The following MARCHF1 variants were observed in gnomAD, a reference collection of about 807,000 sequenced individuals.
MARCHF1 encodes the protein E3 ubiquitin-protein ligase MARCHF1.
A neutral mutation model predicts 54.2 loss-of-function variants in MARCHF1; 40 were observed. The observed-to-expected ratio is 0.74, with a 90% confidence interval of 0.57 to 0.96. The LOEUF is 0.96. MARCHF1 is among the 40% of genes least tolerant of loss of function. The pLI, the probability that MARCHF1 is intolerant of heterozygous loss-of-function variation, is 0.00. For synonymous variants in MARCHF1, 236 were observed against 236.3 expected (o/e 1.00, Z 0.01); for missense variants, 586 against 656.5 (o/e 0.89, Z 1.17).
chr4:164,154,586 C>T (rs1442539819), intron 1 of MARCHF1, among the ~76,000 whole-genome samples: 4 of 152,170 alleles, frequency 2.6e-5, no homozygotes, highest in East Asian at 1.9e-4. Context: ...AAACCCCTTA[C>T]GGGACGGGAA....
intron 3 of MARCHF1, among the ~76,000 whole-genome samples, chr4:163,910,594 A>C (rs548538031): frequency 6.6e-6 from 1 of 152,272 alleles, no homozygotes; most frequent in Admixed American, 6.5e-5. Context: ...TCTTGGGTTC[A>C]AGTGATTCCC....
intron 3 of MARCHF1, among the ~76,000 whole-genome samples, chr4:163,886,961 A>G (rs1000130665): frequency 1.3e-5 from 2 of 152,142 alleles, no homozygotes; most frequent in Admixed American, 6.6e-5. Flanking sequence ...AACATCTTCA[A>G]ATGTTATACA....
At chr4:164,290,183 C>G (rs140757471) in intron 1 of MARCHF1, among the ~76,000 whole-genome samples, 2 of 152,022 alleles carry the variant, frequency 1.3e-5, no homozygotes, top group African/African-American at 4.8e-5. Context: ...GAGGCTGTAT[C>G]TTATTCATCT....
At chr4:163,883,663 A>T (rs1267238810) in intron 3 of MARCHF1, among the ~76,000 whole-genome samples, 1 of 152,182 alleles carries the variant, frequency 6.6e-6, no homozygotes, top group Non-Finnish European at 1.5e-5. Context: ...TTCAAAGAAA[A>T]TTTTTTAGTG....
chr4:163,749,350 C>A (rs1746453639), intron 4 of MARCHF1, among the ~76,000 whole-genome samples: 1 of 151,260 alleles, frequency 6.6e-6, no homozygotes, highest in Admixed American at 6.6e-5. Flanking sequence ...CCTTGGAATA[C>A]CCTTGCAAAC....
At chr4:164,174,557 C>T (rs1730613336) in intron 1 of MARCHF1, among the ~76,000 whole-genome samples, 1 of 152,100 alleles carries the variant, frequency 6.6e-6, no homozygotes, top group Admixed American at 6.6e-5. Context: ...GCAGTTCAAC[C>T]TGATGGTTGT....
At chr4:163,673,727 T>A (rs973641651) in intron 5 of MARCHF1, among the ~76,000 whole-genome samples, 27 of 152,174 alleles carry the variant, frequency 1.8e-4, no homozygotes, top group Admixed American at 1.4e-3. Flanking sequence ...ACAGACTTGA[T>A]GTATATAATA....
chr4:163,968,957 G>T (rs1752497385), intron 3 of MARCHF1, among the ~76,000 whole-genome samples: 2 of 152,226 alleles, frequency 1.3e-5, no homozygotes, highest in South Asian at 4.1e-4. Context: ...AGGAAAACAG[G>T]ACTTAGAGGT....
intron 5 of MARCHF1, among the ~76,000 whole-genome samples, chr4:163,624,054 G>A (rs980066810): frequency 6.6e-6 from 1 of 152,212 alleles, no homozygotes; most frequent in Non-Finnish European, 1.5e-5. Context: ...TGGGTTGGAT[G>A]AGGTGCAAGT....
rs1394830275 is a variant in MARCHF1, at chr4:164,249,934, G to A, written c.-323+133936C>T. On this transcript the variant is annotated intron_variant, in intron 1 of 9. Transcript: ENST00000514618. Reference sequence around the variant, plus strand: ...ATTCAGGGACAGAAGAGTTGGAAGAGCAAACAATTACTGAGCAACTCCATA... The same window carrying A: ...ATTCAGGGACAGAAGAGTTGGAAGAACAAACAATTACTGAGCAACTCCATA... Among the ~76,000 whole-genome samples, 4 of 152,074 alleles carry A rather than the reference G, an allele frequency of 2.6e-5. No individual in the cohort carries two copies. The South Asian group carries it at 6.2e-4, about 24-fold the overall frequency.
intron 5 of MARCHF1, among the ~76,000 whole-genome samples, chr4:163,699,927 C>G (rs1380304039): frequency 6.6e-6 from 1 of 151,434 alleles, no homozygotes; most frequent in Non-Finnish European, 1.5e-5. Flanking sequence ...ACTCTGGGGT[C>G]CTACTTAGAT....
At chr4:163,818,882 T>A (rs900441193) in intron 4 of MARCHF1, among the ~76,000 whole-genome samples, 1 of 152,142 alleles carries the variant, frequency 6.6e-6, no homozygotes, top group Non-Finnish European at 1.5e-5. Flanking sequence ...GAAGCACACG[T>A]CATTACATTT....
chr4:164,239,904 T>A (rs760029512), intron 1 of MARCHF1, among the ~76,000 whole-genome samples: 1 of 152,216 alleles, frequency 6.6e-6, no homozygotes, highest in Non-Finnish European at 1.5e-5. Context: ...ACTATGATTA[T>A]TTTATAGAAA....
At chr4:163,909,810 C>A (rs1309394614) in intron 3 of MARCHF1, among the ~76,000 whole-genome samples, 1 of 152,022 alleles carries the variant, frequency 6.6e-6, no homozygotes, top group East Asian at 1.9e-4. Context: ...AGGCTATGGG[C>A]ATAAATATAA....
At chr4:163,912,512 C>T (rs1317711135) in intron 3 of MARCHF1, among the ~76,000 whole-genome samples, 2 of 152,110 alleles carry the variant, frequency 1.3e-5, no homozygotes, top group East Asian at 1.9e-4. Flanking sequence ...CATTTGCGTA[C>T]AAGAAATTAT....
chr4:163,710,119 T>C (rs1745063922), intron 4 of MARCHF1, among the ~76,000 whole-genome samples: 1 of 152,142 alleles, frequency 6.6e-6, no homozygotes, highest in African/African-American at 2.4e-5. Context: ...TCAGGATCAC[T>C]ATGAAAAGTC....
chr4:163,911,282 T>C (rs1040291603), intron 3 of MARCHF1, among the ~76,000 whole-genome samples: 2 of 152,150 alleles, frequency 1.3e-5, no homozygotes, highest in African/African-American at 2.4e-5. Flanking sequence ...TGCACATACA[T>C]GGTATTGCAT....
At chr4:163,608,225 G>A (rs1409901792) in intron 7 of MARCHF1, among the ~76,000 whole-genome samples, 1 of 152,102 alleles carries the variant, frequency 6.6e-6, no homozygotes, top group African/African-American at 2.4e-5. Context: ...TGTTGGTTAG[G>A]AGGTTAGGAA....
Position 164,131,852 on chromosome 4 carries a change from A to T in MARCHF1, c.-322-20190T>A, listed in dbSNP as rs138029466. 2.6e-3 allele frequency among the ~76,000 whole-genome samples: 400 copies of T among 152,270 alleles called. 4 individuals carry two copies. Among genetic ancestry groups the T allele is most frequent in the African/African-American group, 8.9e-3 (368 of 41,566 alleles). On this transcript the variant is annotated intron_variant, in intron 1 of 9. Coordinates refer to ENST00000514618, the MANE Select transcript of MARCHF1 (RefSeq NM_001394959.1). ...TTCTTACATGAAGTCTGTGTATTGA[A>T]TACATGTTATACATGTCATGTAAAT...
Sources: allele counts gnomAD v4.1 joint callset (sites outside exome capture counted in the v4.1 genomes callset), GRCh38; gene constraint gnomAD v4.1.1; transcripts MANE v1.5; gene names NCBI Gene and HGNC (gene_info 2026-07-23, HGNC 2026-07-21).